The following HK1 variants were observed in gnomAD, a reference collection of about 807,000 sequenced individuals.
The protein encoded by HK1 is hexokinase 1.
Under a neutral mutation model 91.6 loss-of-function variants are expected in HK1, and 28 were observed. That is an observed-to-expected ratio of 0.31 (90% CI 0.23 to 0.42). HK1 has a LOEUF of 0.42. Ranked by LOEUF, HK1 falls within the 10% of genes least tolerant of loss-of-function variation. The pLI is 1.00. For synonymous variants in HK1, 430 were observed against 468.1 expected (o/e 0.92, Z 1.05); for missense variants, 770 against 1,219.8 (o/e 0.63, Z 5.49).
intron 13 of HK1, among the ~76,000 whole-genome samples, chr10:69,387,271 A>T (rs1013616574): frequency 5.9e-5 from 9 of 152,118 alleles, no homozygotes; most frequent in African/African-American, 1.2e-4. Flanking sequence ...AAACTTTTTT[A>T]AAAAAAATTT....
At chr10:69,312,836 G>A (rs1564502860), upstream of HK1, among the ~76,000 whole-genome samples, 1 of 151,056 alleles carries the variant, frequency 6.6e-6, no homozygotes, top group African/African-American at 2.5e-5. Flanking sequence ...CCCTTTGGAG[G>A]TGGGGCAGTC....
intron 2 of HK1, among the ~76,000 whole-genome samples, chr10:69,352,719 T>C (rs1333411025): frequency 6.6e-6 from 1 of 151,784 alleles, no homozygotes; most frequent in East Asian, 1.9e-4. Context: ...GATAGGGAGG[T>C]TGGGAGGAAA....
At chr10:69,341,583 GC>G (rs1236076111) in intron 1 of HK1, among the ~76,000 whole-genome samples, 1 of 151,870 alleles carries the variant, frequency 6.6e-6, no homozygotes. Context: ...TCTTGCCTCA[GC>G]CTCCCGAGTA....
intron 15 of HK1, among the ~76,000 whole-genome samples, chr10:69,394,046 C>T (rs1840030897): frequency 6.6e-6 from 1 of 152,160 alleles, no homozygotes; most frequent in Non-Finnish European, 1.5e-5. Flanking sequence ...TAGTGGTGGC[C>T]CACCCCTCTG....
intron 1 of HK1, among the ~76,000 whole-genome samples, chr10:69,278,233 T>A (rs532679287): frequency 2.4e-4 from 37 of 152,344 alleles, no homozygotes; most frequent in African/African-American, 8.4e-4. Context: ...TCCTCTGACA[T>A]CTGAAGCACT....
chr10:69,319,561 G>T (rs1372911505), intron 1 of HK1, among the ~76,000 whole-genome samples: 1 of 152,264 alleles, frequency 6.6e-6, no homozygotes, highest in Non-Finnish European at 1.5e-5. Flanking sequence ...TTCCCGGAAC[G>T]GGGAGGGGCG....
chr10:69,289,855 A>C (rs1264623915), intron 3 of HK1, among the ~76,000 whole-genome samples: 1 of 151,062 alleles, frequency 6.6e-6, no homozygotes, highest in Admixed American at 6.6e-5. Flanking sequence ...TCCTGGCTTC[A>C]AGTGATCCTC....
intron 5 of HK1, among the ~76,000 whole-genome samples, chr10:69,309,956 A>G (rs1350889301): frequency 6.6e-6 from 1 of 151,728 alleles, no homozygotes; most frequent in Non-Finnish European, 1.5e-5. Flanking sequence ...AGGCTGAGGC[A>G]GGAGAATTGC....
chr10:69,321,885 C>T lies in HK1; in HGVS notation c.63+2875C>T, dbSNP rs1653216972. On this transcript the variant is annotated intron_variant, in intron 1 of 17. Coordinates refer to ENST00000359426, the MANE Select transcript of HK1 (RefSeq NM_000188.3). ...GCATTAGGCTGAGCTAAGCACAAAACACATATATTCCTTTCACTCTTCTAG... is the reference window on the plus strand; with the variant it reads ...GCATTAGGCTGAGCTAAGCACAAAATACATATATTCCTTTCACTCTTCTAG... Among the ~76,000 whole-genome samples, 4 of 152,086 alleles carry T rather than the reference C, an allele frequency of 2.6e-5. 1 individual carries two copies. The highest frequency in any genetic ancestry group is 2.6e-4 in the Admixed American group (4 of 15,274).
At chr10:69,364,263 T>G (rs891600276) in intron 3 of HK1, among the ~76,000 whole-genome samples, 4 of 152,196 alleles carry the variant, frequency 2.6e-5, no homozygotes, top group African/African-American at 9.6e-5. Flanking sequence ...GTGTACTTTT[T>G]GGGGTATGCA....
rs1355640072 is a variant in HK1 at position 69,380,917 on chromosome 10, C to A, written c.1265+822C>A. 1.3e-5 allele frequency among the ~76,000 whole-genome samples: 2 copies of A among 152,232 alleles called. No individual in the cohort carries two copies. Among genetic ancestry groups the A allele is most frequent in the Non-Finnish European group, 2.9e-5 (2 of 68,042 alleles). ...GACCTCAGAGTTGTTTCCCACTGTA[C>A]ATATAAATACAATGTGCATGTGAAG... is the stretch of plus-strand genomic sequence containing the variant. On this transcript the variant is annotated intron_variant, in intron 9 of 17. Transcript: ENST00000359426. The surrounding 1 kb of genome is among the most constrained non-coding windows in gnomAD (Gnocchi z 4.0).
At chr10:69,386,670 T>C in intron 13 of HK1, 3 of 371,508 alleles carry the variant, frequency 8.1e-6, no homozygotes, top group South Asian at 6.4e-5. Context: ...TAGTCCCAGC[T>C]ACTCGGGAGA....
At chr10:69,276,110 A>ATATATATATATAT (rs1564746728) in intron 1 of HK1, among the ~76,000 whole-genome samples, 1 of 45,548 alleles carries the variant, frequency 2.2e-5, no homozygotes. Context: ...AAAAAAAAAA[A>ATATATATATATAT]AAAAAAAAAT....
chr10:69,376,888 G>T, intron 7 of HK1, 46 bp from the exon 8 acceptor site: 1 of 1,610,260 alleles, frequency 6.2e-7, no homozygotes, highest in Non-Finnish European at 8.5e-7. Flanking sequence ...CTCGTGTGTG[G>T]GGCGCAGAGG....
At chr10:69,321,293 A>G (rs116138566) in intron 1 of HK1, among the ~76,000 whole-genome samples, 1,525 of 152,332 alleles carry the variant, frequency 0.01, 22 homozygotes, top group African/African-American at 0.034. Flanking sequence ...TACTTGCTCC[A>G]GTGACCTACT....
Position 69,401,137 on chromosome 10 carries a change from A to G in HK1, c.*2A>G. On this transcript the variant is annotated 3_prime_UTR_variant, in exon 18 of 18. Coordinates refer to ENST00000359426, the MANE Select transcript of HK1 (RefSeq NM_000188.3). ...TTACGCACAGAGGCAAGCAGCTAAG[A>G]GTCCGGGATCCCCAGCCTACTGCCT... The G allele has an allele frequency of 6.2e-7, 1 of 1,613,286 alleles. No homozygotes were observed. The highest frequency in any genetic ancestry group is 2.2e-5 in the East Asian group (1 of 44,868).
chr10:69,331,638 G>C (rs1847721090), intron 1 of HK1, among the ~76,000 whole-genome samples: 2 of 152,140 alleles, frequency 1.3e-5, no homozygotes, highest in African/African-American at 4.8e-5. Flanking sequence ...ACTTTAGAAG[G>C]CTGAGGCCAG....
intron 1 of HK1, among the ~76,000 whole-genome samples, chr10:69,335,656 A>G (rs538510862): frequency 7.7e-4 from 117 of 152,208 alleles, no homozygotes; most frequent in Non-Finnish European, 1.4e-3. Context: ...AAGTGATGGT[A>G]CCTGCTCTGC....
chr10:69,354,742 T>C (rs138109794), intron 2 of HK1, among the ~76,000 whole-genome samples: 4 of 152,226 alleles, frequency 2.6e-5, no homozygotes, highest in South Asian at 2.1e-4. Flanking sequence ...GAATCCCAAG[T>C]TGTGGTCTTT....
Sources: gnomAD v4.1 joint callset for allele counts (sites outside exome capture counted in the v4.1 genomes callset) on GRCh38, gnomAD v4.1.1 for gene constraint, Gnocchi (gnomAD v3.1) non-coding constraint, MANE v1.5 for transcripts, NCBI Gene and HGNC (gene_info 2026-07-23, HGNC 2026-07-21) for gene names.